SLIT3: variants seen among roughly 807,000 people sequenced by gnomAD.
SLIT3 encodes the protein slit homolog 3 protein.
In SLIT3, 68 loss-of-function variants were observed where a neutral mutation model predicts 184.0. That is an observed-to-expected ratio of 0.37 (90% CI 0.30 to 0.45). SLIT3 has a LOEUF of 0.45. SLIT3 is among the 20% of genes least tolerant of loss of function. SLIT3 has a pLI of 1.00. For missense variants in SLIT3, 1,707 were observed against 2,026.0 expected (o/e 0.84, Z 3.02); for synonymous variants, 831 against 828.6 (o/e 1.00, Z -0.05).
At chr5:168,714,454 G>A (rs1297163098) in intron 23 of SLIT3, among the ~76,000 whole-genome samples, 1 of 152,024 alleles carries the variant, frequency 6.6e-6, no homozygotes, top group Non-Finnish European at 1.5e-5. Context: ...GTGGTGGTGG[G>A]CGCCTGTAAT....
At chr5:168,679,850 T>A (rs1211326097) in intron 32 of SLIT3, among the ~76,000 whole-genome samples, 1 of 152,208 alleles carries the variant, frequency 6.6e-6, no homozygotes, top group Admixed American at 6.5e-5. Flanking sequence ...TGCCACTTAC[T>A]GGGCTTCTAA....
intron 27 of SLIT3, among the ~76,000 whole-genome samples, chr5:168,700,063 A>C (rs755923631): frequency 6.6e-6 from 1 of 152,212 alleles, no homozygotes; most frequent in Non-Finnish European, 1.5e-5. Flanking sequence ...CAGTGGGGAT[A>C]AATTGTACTT....
intron 1 of SLIT3, among the ~76,000 whole-genome samples, chr5:169,268,595 G>T (rs1766483815): frequency 6.6e-6 from 1 of 152,160 alleles, no homozygotes. Context: ...CATGAGAGAA[G>T]GCAACAGGGC....
At chr5:169,192,024 G>A (rs181647523) in intron 4 of SLIT3, among the ~76,000 whole-genome samples, 1 of 152,316 alleles carries the variant, frequency 6.6e-6, no homozygotes, top group East Asian at 1.9e-4. Flanking sequence ...GCAGTACTGG[G>A]TGGAGAGATA....
At chr5:169,295,505 C>A (rs1376333923) in intron 1 of SLIT3, among the ~76,000 whole-genome samples, 2 of 152,218 alleles carry the variant, frequency 1.3e-5, no homozygotes, top group African/African-American at 2.4e-5. Context: ...AAATAAGGTA[C>A]TAAAGAATTT....
At chr5:169,088,961 A>G (rs1257564125) in intron 4 of SLIT3, among the ~76,000 whole-genome samples, 1 of 136,238 alleles carries the variant, frequency 7.3e-6, no homozygotes, top group Non-Finnish European at 1.5e-5. Context: ...CAGAGGTTGC[A>G]GTGAGCCAAG....
chr5:168,838,673 G>A (rs968596312), intron 6 of SLIT3, among the ~76,000 whole-genome samples: 14 of 152,080 alleles, frequency 9.2e-5, no homozygotes, highest in Admixed American at 8.5e-4. Flanking sequence ...CCCCGCTCTA[G>A]GAGAGTGAGC....
chr5:168,905,971 G>A (rs1761039273), intron 4 of SLIT3, among the ~76,000 whole-genome samples: 3 of 152,176 alleles, frequency 2.0e-5, no homozygotes, highest in African/African-American at 7.2e-5. Context: ...AAAGAGATAC[G>A]AAGATCTATT....
intron 4 of SLIT3, among the ~76,000 whole-genome samples, chr5:169,126,365 T>C (rs1263779828): frequency 6.6e-6 from 1 of 152,166 alleles, no homozygotes; most frequent in Non-Finnish European, 1.5e-5. Flanking sequence ...CAGAGAGAGA[T>C]GTGAGACCTC....
Position 168,752,956 on chromosome 5 carries a change from T to G in SLIT3, c.1972A>C (p.Ile658Leu). ...AFTTLVSLST[I>L]NLLSNPFNCN... ...GGCAGTGGACCCAGGAGAACTTACA[T>G]GGTGGACAGGGAGACAAGCGTGGTG... is the stretch of plus-strand genomic sequence containing the variant. The change falls in exon 18 of 36, where the codon ATA (isoleucine) becomes CTA (leucine). Residue 658 changes from isoleucine (I) to leucine (L), a missense_variant and splice_region_variant. Physicochemically the swap from Ile to Leu is conservative, Grantham distance 5. This residue lies in a region of SLIT3 where 1,307 missense variants were observed against 1,511.6 expected (regional missense o/e 0.86). Transcript: ENST00000519560. 1 of 1,613,924 alleles carries G rather than the reference T, an allele frequency of 6.2e-7. No homozygotes were observed. Among genetic ancestry groups the G allele is most frequent in the South Asian group, 1.1e-5 (1 of 91,052 alleles).
At chr5:169,187,184 GCTTA>G (rs1256384853) in intron 4 of SLIT3, among the ~76,000 whole-genome samples, 2 of 129,318 alleles carry the variant, frequency 1.5e-5, no homozygotes, top group Non-Finnish European at 1.6e-5. Context: ...CATGATCTCA[GCTTA>G]CTTCAACCTC....
intron 4 of SLIT3, among the ~76,000 whole-genome samples, chr5:168,918,082 T>C: frequency 6.6e-6 from 1 of 152,100 alleles, no homozygotes; most frequent in East Asian, 1.9e-4. Context: ...CTCTTCTCCC[T>C]CTCCCTTTTT....
At chr5:169,041,792 ACTCT>A (rs1757456617) in intron 4 of SLIT3, among the ~76,000 whole-genome samples, 1 of 152,124 alleles carries the variant, frequency 6.6e-6, no homozygotes. Context: ...AGCTGAGTTT[ACTCT>A]CTAAGGCTAA....
At chr5:169,215,266 A>G (rs1369009728) in intron 3 of SLIT3, among the ~76,000 whole-genome samples, 1 of 152,136 alleles carries the variant, frequency 6.6e-6, no homozygotes, top group Non-Finnish European at 1.5e-5. Flanking sequence ...ATGTTGTTCT[A>G]TCTGGAATAC....
intron 4 of SLIT3, among the ~76,000 whole-genome samples, chr5:169,092,401 A>ATTCTG (rs1484464218): frequency 6.6e-6 from 1 of 152,116 alleles, no homozygotes; most frequent in Non-Finnish European, 1.5e-5. Flanking sequence ...TACCAATTCT[A>ATTCTG]TTCTGTTCTG....
intron 4 of SLIT3, among the ~76,000 whole-genome samples, chr5:168,941,884 A>C (rs1213109934): frequency 6.6e-6 from 1 of 152,228 alleles, no homozygotes; most frequent in Non-Finnish European, 1.5e-5. Context: ...AGAGGTCTAC[A>C]GACTGTTAAG....
intron 3 of SLIT3, among the ~76,000 whole-genome samples, chr5:169,210,438 G>A (rs991144108): frequency 9.8e-5 from 15 of 152,314 alleles, no homozygotes; most frequent in Admixed American, 3.9e-4. Flanking sequence ...TCAAATTAAA[G>A]AAAATAATTT....
chr5:168,743,395 G>A (rs1167960838), intron 20 of SLIT3, among the ~76,000 whole-genome samples: 4 of 152,228 alleles, frequency 2.6e-5, no homozygotes, highest in East Asian at 1.9e-4. Context: ...ATACTTTTAT[G>A]GTGATCTGTG....
chr5:169,021,702 C>G (rs538898621), intron 4 of SLIT3, among the ~76,000 whole-genome samples: 54 of 152,168 alleles, frequency 3.5e-4, no homozygotes, highest in Non-Finnish European at 6.5e-4. Context: ...TTCCAAGACA[C>G]TCATACTCCC....
Sources: allele counts gnomAD v4.1 joint callset (sites outside exome capture counted in the v4.1 genomes callset), GRCh38; gene constraint gnomAD v4.1.1; regional missense constraint gnomAD v4.1.1; transcripts MANE v1.5; gene names NCBI Gene and HGNC (gene_info 2026-07-23, HGNC 2026-07-21).